Variants in SH3RF2 observed in about 807,000 individuals in gnomAD.
SH3RF2 encodes E3 ubiquitin-protein ligase SH3RF2.
A neutral mutation model predicts 59.0 loss-of-function variants in SH3RF2; 43 were observed. The ratio of observed to expected loss-of-function variants is 0.73; its 90% confidence interval spans 0.57 to 0.94. SH3RF2 has a LOEUF of 0.94. Ranked by LOEUF, SH3RF2 falls within the 40% of genes least tolerant of loss-of-function variation. The pLI is 0.00. For missense variants in SH3RF2, 930 were observed against 940.1 expected (o/e 0.99, Z 0.14); for synonymous variants, 391 against 391.5 (o/e 1.00, Z 0.01).
rs1362808117 is a variant in SH3RF2, at chr5:145,938,368, G to C, written c.378+62G>C. ...TAGAGGTTGGATTTGTGTATACAAG[G>C]AGCTAGAGATTATCTTCTTTTAGTT... On this transcript the variant is annotated intron_variant, in intron 2 of 9. Coordinates refer to ENST00000359120, the MANE Select transcript of SH3RF2 (RefSeq NM_152550.4). The C allele has an allele frequency of 2.7e-6, 4 of 1,475,848 alleles. No individual in the cohort carries two copies. The East Asian group carries it at 9.2e-5, about 34-fold the overall frequency. The allele number at this position is 1,475,848 out of a possible 1,614,324, so 91.4% of individuals were successfully genotyped here.
intron 5 of SH3RF2, among the ~76,000 whole-genome samples, chr5:146,022,905 A>G (rs897316607): frequency 6.6e-6 from 1 of 151,422 alleles, no homozygotes; most frequent in African/African-American, 2.4e-5. Flanking sequence ...ACACACACAC[A>G]CACACACACA....
chr5:145,980,465 C>T (rs1011662132), intron 2 of SH3RF2, among the ~76,000 whole-genome samples: 2 of 152,182 alleles, frequency 1.3e-5, no homozygotes, highest in Non-Finnish European at 2.9e-5. Context: ...TAGCATTCCA[C>T]AGTAGTTACT....
chr5:146,049,111 C>T lies in SH3RF2; in HGVS notation c.1188C>T (p.Pro396=), dbSNP rs750310157. 13 of 1,614,090 alleles carry T rather than the reference C, an allele frequency of 8.1e-6. No homozygotes were observed. The highest frequency in any genetic ancestry group is 9.3e-6 in the Non-Finnish European group (11 of 1,180,008). ...TGCACTCCTACTCAGCCCATGGACC[C>T]GATGAGCTGGACCTGCAAAAGGGAG... ...VALHSYSAHG[P]DELDLQKGEG... The change falls in exon 7 of 10, where the codon CCC becomes CCT. Residue 396 remains proline, a synonymous_variant. Coordinates refer to ENST00000359120, the MANE Select transcript of SH3RF2 (RefSeq NM_152550.4).
At chr5:145,998,195 T>A (rs1011122848) in intron 2 of SH3RF2, among the ~76,000 whole-genome samples, 3 of 151,164 alleles carry the variant, frequency 2.0e-5, no homozygotes, top group African/African-American at 7.3e-5. Flanking sequence ...AAACTGTGAA[T>A]GCAATGCAAA....
chr5:145,986,001 TCAAATAAATAAATAAA>T (rs1759687644), intron 2 of SH3RF2, among the ~76,000 whole-genome samples: 1 of 106,662 alleles, frequency 9.4e-6, no homozygotes, highest in Non-Finnish European at 1.9e-5. Context: ...AAGACTTGTC[TCAAATAAATAAATAAA>T]TAAATAAATA....
intron 8 of SH3RF2, among the ~76,000 whole-genome samples, chr5:146,057,501 T>C (rs150366528): frequency 6.6e-6 from 1 of 152,356 alleles, no homozygotes; most frequent in African/African-American, 2.4e-5. Flanking sequence ...AAACAACCCA[T>C]ATATGGCTGA....
chr5:146,041,315 G>A (rs994360990), intron 5 of SH3RF2, among the ~76,000 whole-genome samples: 2 of 151,986 alleles, frequency 1.3e-5, no homozygotes, highest in Non-Finnish European at 2.9e-5. Context: ...ACCCCAACAC[G>A]CTCAGGCTTA....
intron 8 of SH3RF2, among the ~76,000 whole-genome samples, chr5:146,057,812 A>G (rs1019332365): frequency 6.6e-6 from 1 of 152,116 alleles, no homozygotes; most frequent in African/African-American, 2.4e-5. Context: ...GTATGGTGGC[A>G]CTTGCCTGTG....
At chr5:146,028,316 TAGTATA>T (rs1761615722) in intron 5 of SH3RF2, among the ~76,000 whole-genome samples, 3 of 151,616 alleles carry the variant, frequency 2.0e-5, no homozygotes, top group Non-Finnish European at 4.4e-5. Flanking sequence ...ACAAAGAGGG[TAGTATA>T]GACATGTGGG....
At chr5:145,958,942 C>A (rs545195749) in intron 2 of SH3RF2, among the ~76,000 whole-genome samples, 53 of 152,280 alleles carry the variant, frequency 3.5e-4, no homozygotes, top group African/African-American at 1.2e-3. Flanking sequence ...GCAATTTGGT[C>A]TGAAAAGCAA....
Position 146,035,125 on chromosome 5 carries a change from A to G in SH3RF2, c.1060-12647A>G, listed in dbSNP as rs114419895. Among the ~76,000 whole-genome samples, 1,213 of 151,294 alleles carry G rather than the reference A, an allele frequency of 8.0e-3. 17 individuals carry two copies. The highest frequency in any genetic ancestry group is 0.028 in the African/African-American group (1,151 of 41,318). On this transcript the variant is annotated intron_variant, in intron 5 of 9. Coordinates refer to ENST00000359120, the MANE Select transcript of SH3RF2 (RefSeq NM_152550.4). The stretch of plus-strand genomic sequence containing the variant: ...TGTTTCAAAAAAAAAAAAAGAACAG[A>G]GACAACTGCTTTGATAATGGGTGGT...
At chr5:146,036,259 A>T (rs1220893501) in intron 5 of SH3RF2, among the ~76,000 whole-genome samples, 2 of 152,204 alleles carry the variant, frequency 1.3e-5, no homozygotes, top group Non-Finnish European at 2.9e-5. Context: ...CATGAGGTAG[A>T]AAATAGCAGG....
In SH3RF2 at chr5:146,060,050, C is replaced by T. The variant is rs772352806; in HGVS notation, c.1740C>T (p.Pro580=). ...CCAAGCCTGCCCTCACGGGGGAGCCCGCCCTCACGTGCATCAGCAGGGGCA... is the reference window on the plus strand; with the variant it reads ...CCAAGCCTGCCCTCACGGGGGAGCCTGCCCTCACGTGCATCAGCAGGGGCA... ...MGSKPALTGE[P]ALTCISRGSE... Residue 580 remains proline, a synonymous_variant, in exon 9 of 10, where the codon CCC becomes CCT. Coordinates refer to ENST00000359120, the MANE Select transcript of SH3RF2 (RefSeq NM_152550.4). The T allele has an allele frequency of 6.8e-6, 11 of 1,613,364 alleles. No homozygotes were observed. The highest frequency in any genetic ancestry group is 5.0e-5 in the Admixed American group (3 of 59,946).
At chr5:145,987,235 G>A (rs2149973946) in intron 2 of SH3RF2, among the ~76,000 whole-genome samples, 1 of 152,280 alleles carries the variant, frequency 6.6e-6, no homozygotes, top group South Asian at 2.1e-4. Context: ...TACAGGTGGT[G>A]TTTGGTTACA....
intron 9 of SH3RF2, among the ~76,000 whole-genome samples, chr5:146,073,753 T>A (rs2150029165): frequency 6.6e-6 from 1 of 152,234 alleles, no homozygotes; most frequent in East Asian, 1.9e-4. Context: ...ACAACACAGA[T>A]AAGGTTCCTA....
rs1758954188 is a variant in SH3RF2 at position 145,968,616 on chromosome 5, G to C, written c.378+30310G>C. Reference sequence around the variant, plus strand: ...CCACATTAAAAAAAGTAAAAAGAAAGGTGAAATTAATTTTAATAACTCACT... The same window carrying C: ...CCACATTAAAAAAAGTAAAAAGAAACGTGAAATTAATTTTAATAACTCACT... On this transcript the variant is annotated intron_variant, in intron 2 of 9. Transcript: ENST00000359120. 3.3e-5 allele frequency among the ~76,000 whole-genome samples: 5 copies of C among 151,734 alleles called. No homozygotes were observed. In the South Asian group the frequency reaches 1.0e-3, roughly 32 times the overall value.
chr5:146,041,759 A>T (rs1161371513), intron 5 of SH3RF2, among the ~76,000 whole-genome samples: 1 of 151,998 alleles, frequency 6.6e-6, no homozygotes, highest in Non-Finnish European at 1.5e-5. Context: ...GTGGAACCCC[A>T]TTTCTACAAA....
chr5:145,964,595 C>T (rs1394773302), intron 2 of SH3RF2, among the ~76,000 whole-genome samples: 1 of 152,178 alleles, frequency 6.6e-6, no homozygotes, highest in Admixed American at 6.5e-5. Flanking sequence ...GCGTGAGCCA[C>T]CATGCTCGGC....
chr5:145,979,975 G>A (rs981758301), intron 2 of SH3RF2, among the ~76,000 whole-genome samples: 13 of 152,176 alleles, frequency 8.5e-5, no homozygotes, highest in African/African-American at 2.9e-4. Context: ...TCCAGAGCCC[G>A]TGAGGTGACA....
Sources: gnomAD v4.1 joint callset for allele counts (sites outside exome capture counted in the v4.1 genomes callset) on GRCh38, gnomAD v4.1.1 for gene constraint, MANE v1.5 for transcripts, NCBI Gene and HGNC (gene_info 2026-07-23, HGNC 2026-07-21) for gene names.